TCTN1: variants seen among roughly 807,000 people sequenced by gnomAD.
The protein encoded by TCTN1 is tectonic-1.
In TCTN1, 58 loss-of-function variants were observed where a neutral mutation model predicts 65.8. That is an observed-to-expected ratio of 0.88 (90% CI 0.71 to 1.10). The LOEUF is 1.10. Among genes scored for constraint, TCTN1 ranks in the 50% least tolerant of loss-of-function variants. TCTN1 has a pLI of 0.00. For synonymous variants in TCTN1, 273 were observed against 289.1 expected, an observed-to-expected ratio of 0.94 and a Z score of 0.57; for missense variants, 645 against 719.4, an observed-to-expected ratio of 0.90 and a Z score of 1.18.
In TCTN1 at chr12:110,634,708, A is replaced by G; in HGVS notation, c.751A>G (p.Ile251Val). 1 of 1,612,322 alleles carries G rather than the reference A, an allele frequency of 6.2e-7. No homozygotes were observed. The highest frequency in any genetic ancestry group is 8.5e-7 in the Non-Finnish European group (1 of 1,179,198). Residue 251 changes from isoleucine (I) to valine (V), a missense_variant, in exon 6 of 15, where the codon ATA (isoleucine) becomes GTA (valine). By Grantham distance (29) the Ile-to-Val change is conservative. Coordinates refer to ENST00000397659, the MANE Select transcript of TCTN1 (RefSeq NM_001082538.3). ...CCAGGCTGTTAAGTGCACCAGAAAA[A>G]TAAATTTAGAACAGTGTGAAGAAAT... ...VNQAVKCTRK[I>V]NLEQCEEIEA...
At chr12:110,615,552 C>G (rs2064979273) in intron 1 of TCTN1, among the ~76,000 whole-genome samples, 1 of 152,136 alleles carries the variant, frequency 6.6e-6, no homozygotes, top group South Asian at 2.1e-4. Flanking sequence ...GTGATTATAT[C>G]TCACTTAAGT....
intron 2 of TCTN1, among the ~76,000 whole-genome samples, chr12:110,622,841 G>T (rs1432491837): frequency 6.6e-6 from 1 of 152,182 alleles, no homozygotes; most frequent in Non-Finnish European, 1.5e-5. Flanking sequence ...ATATGCAGTG[G>T]ATCACAAGGC....
At chr12:110,629,012 G>A in intron 4 of TCTN1, 94 bp downstream of exon 4, 4 of 1,446,156 alleles carry the variant, frequency 2.8e-6, no homozygotes, top group Non-Finnish European at 3.8e-6. Context: ...TGGGTTCCTT[G>A]AGACAGAGTT....
In TCTN1 at chr12:110,628,083, G is replaced by A. The variant is rs368603865; in HGVS notation, c.473-684G>A. 3 of 1,536,008 alleles carry A rather than the reference G, an allele frequency of 2.0e-6. 1 individual carries two copies. Among genetic ancestry groups the A allele is most frequent in the Admixed American group, 3.9e-5 (2 of 50,974 alleles). ...TTACTCCAGGACTTTCACGGTGGCT[G>A]TGTGAGAGTAGAAGTCGGATTCTTT... On this transcript the variant is annotated intron_variant, in intron 3 of 14. Coordinates refer to ENST00000397659, the MANE Select transcript of TCTN1 (RefSeq NM_001082538.3).
chr12:110,620,267 G>A (rs1269382546), intron 2 of TCTN1, among the ~76,000 whole-genome samples: 2 of 152,074 alleles, frequency 1.3e-5, no homozygotes, highest in Non-Finnish European at 2.9e-5. Context: ...AATTAGCCGG[G>A]CATGTTGGCG....
intron 14 of TCTN1, 27 bp from the exon 15 acceptor site, chr12:110,649,016 A>G (rs1593416525): frequency 2.1e-6 from 1 of 472,810 alleles, no homozygotes; most frequent in East Asian, 6.2e-5. Context: ...GGTGGCAGCT[A>G]AAGTAGCTTC....
intron 5 of TCTN1, chr12:110,634,431 C>A (rs2066425805): frequency 5.4e-6 from 3 of 558,228 alleles, no homozygotes; most frequent in Non-Finnish European, 6.8e-6. Flanking sequence ...AATCCCAGCA[C>A]TCTGGGAGGC....
chr12:110,629,126 T>G (rs2066053440), intron 4 of TCTN1: 1 of 643,794 alleles, frequency 1.6e-6, no homozygotes, highest in African/African-American at 1.8e-5. Flanking sequence ...ATGTAAGACC[T>G]AAAACCATAC....
chr12:110,628,529 C>A (rs1310230376), intron 3 of TCTN1, among the ~76,000 whole-genome samples: 1 of 151,906 alleles, frequency 6.6e-6, no homozygotes, highest in African/African-American at 2.4e-5. Flanking sequence ...TTAGTAGAGA[C>A]AGGATTTCAC....
intron 2 of TCTN1, among the ~76,000 whole-genome samples, chr12:110,620,813 T>C (rs541244253): frequency 1.4e-3 from 215 of 149,728 alleles, no homozygotes; most frequent in Non-Finnish European, 1.0e-3. Context: ...AAGGCTTCTT[T>C]TTTTTTTTTT....
At chr12:110,628,583 C>T (rs867665776) in intron 3 of TCTN1, among the ~76,000 whole-genome samples, 184 bp from the exon 4 acceptor site, 12 of 152,060 alleles carry the variant, frequency 7.9e-5, no homozygotes, top group Admixed American at 2.6e-4. Context: ...TCAGGCAGTC[C>T]GCCCGCCTTG....
In TCTN1 at chr12:110,642,318, C is replaced by G. The variant is rs2067009900; in HGVS notation, c.1260C>G (p.Asp420Glu). 6.2e-7 allele frequency: 1 copy of G among 1,614,106 alleles called. No homozygotes were observed. The highest frequency in any genetic ancestry group is 1.3e-5 in the African/African-American group (1 of 74,936). Residue 420 changes from aspartate (D) to glutamate (E), a missense_variant, in exon 11 of 15, where the codon GAC (aspartate) becomes GAG (glutamate). By Grantham distance (45) the Asp-to-Glu change is conservative. Coordinates refer to ENST00000397659, the MANE Select transcript of TCTN1 (RefSeq NM_001082538.3). ...LTILHSTTEQ[D>E]CLALEGVRTP... is the part of the protein sequence containing the mutation. ...TTCTTCATAGCACAACTGAGCAAGA[C>G]TGCTTAGCACTGGAGGGGGTCCGGA...
intron 3 of TCTN1, among the ~76,000 whole-genome samples, 156 bp downstream of exon 3, chr12:110,626,648 C>T (rs573797127): frequency 1.3e-4 from 20 of 151,896 alleles, no homozygotes; most frequent in East Asian, 5.8e-4. Context: ...GGCGCAATCT[C>T]GGCTCACTGA....
intron 7 of TCTN1, 36 bp downstream of exon 7, chr12:110,636,537 G>A: frequency 8.4e-7 from 1 of 1,191,456 alleles, no homozygotes; most frequent in Non-Finnish European, 1.2e-6. Flanking sequence ...ATAGAAAGTA[G>A]GATAGTTTAT....
intron 4 of TCTN1, among the ~76,000 whole-genome samples, chr12:110,631,224 C>T (rs1045020577): frequency 3.3e-5 from 5 of 151,876 alleles, no homozygotes; most frequent in African/African-American, 1.2e-4. Flanking sequence ...GGGGTTTCAC[C>T]ATGTTGGCCA....
intron 5 of TCTN1, chr12:110,634,342 A>G (rs1462934929): frequency 8.7e-6 from 4 of 459,274 alleles, no homozygotes; most frequent in Non-Finnish European, 1.7e-5. Context: ...GTGCTTTTTG[A>G]ATTTTGAATC....
chr12:110,614,512 G>T, intron 1 of TCTN1, 110 bp downstream of exon 1: 16 of 1,532,984 alleles, frequency 1.0e-5, no homozygotes, highest in Non-Finnish European at 1.4e-5. Flanking sequence ...CTTACTGTGT[G>T]CAGACACTGC....
chr12:110,634,717 G>T lies in TCTN1; in HGVS notation c.760G>T (p.Glu254Ter). ...TAAGTGCACCAGAAAAATAAATTTA[G>T]AACAGTGTGAAGAAATTGAAGCCCT... ...AVKCTRKINL[E>*]QCEEIEALSM... The change falls in exon 6 of 15, where the codon GAA becomes TAA. Residue 254 changes from glutamate (E) to a stop codon, truncating the protein, a stop_gained. Transcript: ENST00000397659. LOFTEE classifies it high-confidence loss of function. 1 of 1,612,294 alleles carries T rather than the reference G, an allele frequency of 6.2e-7. No homozygotes were observed. Among genetic ancestry groups the T allele is most frequent in the South Asian group, 1.1e-5 (1 of 90,658 alleles).
chr12:110,629,501 A>G (rs2066081226), intron 4 of TCTN1: 1 of 152,420 alleles, frequency 6.6e-6, no homozygotes. Flanking sequence ...AAGGCTCATC[A>G]TCACTGGTCA....
Sources: gnomAD v4.1 joint callset for allele counts (sites outside exome capture counted in the v4.1 genomes callset) on GRCh38, gnomAD v4.1.1 for gene constraint, MANE v1.5 for transcripts, NCBI Gene and HGNC (gene_info 2026-07-23, HGNC 2026-07-21) for gene names.